Variants in PPM1H observed in about 807,000 individuals in gnomAD.
PPM1H encodes protein phosphatase, Mg2+/Mn2+ dependent 1H.
A neutral mutation model predicts 54.9 loss-of-function variants in PPM1H; 27 were observed. That is an observed-to-expected ratio of 0.49 (90% CI 0.36 to 0.68). PPM1H has a LOEUF of 0.68. Ranked by LOEUF, PPM1H falls within the 30% of genes least tolerant of loss-of-function variation. PPM1H has a pLI of 0.00. For synonymous variants in PPM1H, 305 were observed against 270.8 expected, an observed-to-expected ratio of 1.13 and a Z score of -1.24; for missense variants, 596 against 667.8, an observed-to-expected ratio of 0.89 and a Z score of 1.19.
chr12:62,900,138 C>T (rs1469367737), intron 1 of PPM1H, among the ~76,000 whole-genome samples: 2 of 152,180 alleles, frequency 1.3e-5, no homozygotes, highest in African/African-American at 2.4e-5. Context: ...GGACTAACAC[C>T]GAGCTGTAGT....
intron 6 of PPM1H, among the ~76,000 whole-genome samples, chr12:62,715,380 C>T (rs142853831): frequency 0.012 from 1,775 of 151,890 alleles, 25 homozygotes; most frequent in Middle Eastern, 0.02. Context: ...ATGAACTCAG[C>T]ACTGGGGGCA....
Position 62,737,556 on chromosome 12 carries a change from G to A in PPM1H, c.900C>T (p.Ile300=). ...CGGGGGTAAATTCTGAAGACATGGG[G>A]ATAATTTCTCCATTTCTGATGATTA... ...RAIIIRNGEI[I]PMSSEFTPET... Residue 300 remains isoleucine (I), a synonymous_variant, in exon 5 of 10, where the codon ATC becomes ATT. Coordinates refer to ENST00000228705, the MANE Select transcript of PPM1H (RefSeq NM_020700.2). 1 of 1,585,646 alleles carries A rather than the reference G, an allele frequency of 6.3e-7. No individual in the cohort carries two copies. Among genetic ancestry groups the A allele is most frequent in the Non-Finnish European group, 8.6e-7 (1 of 1,164,906 alleles).
At chr12:62,904,630 T>A (rs1205129322) in intron 1 of PPM1H, among the ~76,000 whole-genome samples, 1 of 152,080 alleles carries the variant, frequency 6.6e-6, no homozygotes, top group Admixed American at 6.6e-5. Flanking sequence ...TGCTGTCAGA[T>A]GCCAGGCAAT....
At chr12:62,659,318 T>C in intron 9 of PPM1H, 2 of 464,364 alleles carry the variant, frequency 4.3e-6, no homozygotes, top group Non-Finnish European at 7.7e-6. Flanking sequence ...ACTCATATTC[T>C]GGCTCATCCA....
At position 62,934,283 on chromosome 12, in the gene PPM1H, G is replaced by T. The variant is rs1044592264; in HGVS notation, c.245+209C>A. 6.6e-6 allele frequency among the ~76,000 whole-genome samples: 1 copy of T among 152,178 alleles called. No homozygotes were observed. Among genetic ancestry groups the T allele is most frequent in the South Asian group, 2.1e-4 (1 of 4,830 alleles). On this transcript the variant is annotated intron_variant, in intron 1 of 9. Coordinates refer to ENST00000228705, the MANE Select transcript of PPM1H (RefSeq NM_020700.2). The surrounding 1 kb of genome is among the most constrained non-coding windows in gnomAD (Gnocchi z 4.2). Reference sequence around the variant, plus strand: ...CCACCCCTCCACCACCCATACCGGGGCTGGAGACGCCGCGTCCTTGGGCTG... The same window carrying T: ...CCACCCCTCCACCACCCATACCGGGTCTGGAGACGCCGCGTCCTTGGGCTG...
intron 2 of PPM1H, among the ~76,000 whole-genome samples, chr12:62,803,158 T>C (rs1276674347): frequency 2.0e-5 from 3 of 152,132 alleles, no homozygotes; most frequent in Admixed American, 6.6e-5. Context: ...CCACCTCCCT[T>C]AGTTCTCCAG....
At chr12:62,670,495 T>C (rs571896186) in intron 8 of PPM1H, among the ~76,000 whole-genome samples, 13 of 152,278 alleles carry the variant, frequency 8.5e-5, no homozygotes, top group Admixed American at 2.6e-4. Context: ...GTCTGCCCTA[T>C]GAGTAGGGTG....
rs367988450 is a variant in PPM1H, at chr12:62,644,225, A to G, written c.*4264T>C. ...CAGGCAGATTTCTCTCATTCACTGT[A>G]CTAGGGTAGTTTTGGAAACCCAGAC... On this transcript the variant is annotated 3_prime_UTR_variant, in exon 10 of 10. Coordinates refer to ENST00000228705, the MANE Select transcript of PPM1H (RefSeq NM_020700.2). The G allele has an allele frequency of 2.0e-5, 3 of 152,196 alleles. No homozygotes were observed. In the East Asian group the frequency reaches 5.8e-4, roughly 29 times the overall value. The allele number at this position is 152,196 out of a possible 1,614,324, so 9.4% of individuals were successfully genotyped here. A position where few individuals can be genotyped will look rare whatever the true frequency, so the allele number is the denominator to read the frequency against.
chr12:62,900,021 G>C (rs1348863020), intron 1 of PPM1H, among the ~76,000 whole-genome samples: 1 of 152,176 alleles, frequency 6.6e-6, no homozygotes, highest in Non-Finnish European at 1.5e-5. Context: ...CCTGGGAGAA[G>C]GCCCATGCCA....
At chr12:62,743,473 C>T (rs772927971) in intron 4 of PPM1H, among the ~76,000 whole-genome samples, 7 of 152,070 alleles carry the variant, frequency 4.6e-5, no homozygotes, top group Non-Finnish European at 8.8e-5. Flanking sequence ...TAGAAAATCC[C>T]GCTACTTCTC....
intron 4 of PPM1H, among the ~76,000 whole-genome samples, chr12:62,765,960 G>A (rs558267046): frequency 1.3e-5 from 2 of 152,352 alleles, no homozygotes; most frequent in African/African-American, 4.8e-5. Context: ...ACTTCAGTCT[G>A]AAGATACATC....
chr12:62,797,497 GA>G (rs957243485), intron 3 of PPM1H, among the ~76,000 whole-genome samples: 1 of 151,314 alleles, frequency 6.6e-6, no homozygotes, highest in African/African-American at 2.4e-5. Flanking sequence ...CTACTGCGGT[GA>G]AAAAAAAAGT....
intron 1 of PPM1H, among the ~76,000 whole-genome samples, chr12:62,928,398 C>G (rs998146323): frequency 3.3e-5 from 5 of 152,326 alleles, no homozygotes; most frequent in Middle Eastern, 6.8e-3. Context: ...AATCCTGCAT[C>G]TTTTGCACCA....
In PPM1H at chr12:62,646,922, G is replaced by GAATT. The variant is rs2075788816; in HGVS notation, c.*1563_*1566dup. Reference sequence around the variant, plus strand: ...GAAATTCAAACAAATATGAGAACTGGAATTAGCTCTCTAGCATGCTGGGGG... The same window carrying GAATT: ...GAAATTCAAACAAATATGAGAACTGGAATTAATTAGCTCTCTAGCATGCTGGGGG... On this transcript the variant is annotated 3_prime_UTR_variant, in exon 10 of 10. Transcript: ENST00000228705. 6.6e-6 allele frequency: 1 copy of GAATT among 152,296 alleles called. No homozygotes were observed. Among genetic ancestry groups the GAATT allele is most frequent in the African/African-American group, 2.4e-5 (1 of 41,562 alleles). 9.4% of individuals were successfully genotyped at this position (152,296 alleles called of 1,614,324 possible).
chr12:62,791,369 C>A (rs2076700270), intron 3 of PPM1H, among the ~76,000 whole-genome samples: 1 of 152,094 alleles, frequency 6.6e-6, no homozygotes, highest in African/African-American at 2.4e-5. Flanking sequence ...TGTTTAACCT[C>A]CAAGAAAACC....
chr12:62,745,224 AATT>A (rs2076403743), intron 4 of PPM1H, among the ~76,000 whole-genome samples: 1 of 151,846 alleles, frequency 6.6e-6, no homozygotes, highest in Admixed American at 6.6e-5. Flanking sequence ...TAATTTTTTA[AATT>A]ATTATTATTT....
chr12:62,652,775 G>T (rs2075823285), intron 9 of PPM1H, among the ~76,000 whole-genome samples: 1 of 150,630 alleles, frequency 6.6e-6, no homozygotes, highest in Non-Finnish European at 1.5e-5. Context: ...CTTTTTTTGA[G>T]CCTGCCTTAA....
intron 4 of PPM1H, among the ~76,000 whole-genome samples, chr12:62,769,109 C>G (rs1413046439): frequency 6.6e-6 from 1 of 152,096 alleles, no homozygotes; most frequent in African/African-American, 2.4e-5. Context: ...TTGGGTCAAC[C>G]AGAAGACTGC....
chr12:62,815,855 TTC>T (rs1168341374), intron 2 of PPM1H, among the ~76,000 whole-genome samples: 2 of 152,318 alleles, frequency 1.3e-5, no homozygotes, highest in African/African-American at 4.8e-5. Flanking sequence ...GGGCTTTTTT[TTC>T]TTCCCATGGT....
Sources: allele counts gnomAD v4.1 joint callset (sites outside exome capture counted in the v4.1 genomes callset), GRCh38; gene constraint gnomAD v4.1.1; non-coding constraint Gnocchi (gnomAD v3.1); transcripts MANE v1.5; gene names NCBI Gene and HGNC (gene_info 2026-07-23, HGNC 2026-07-21).